Variants in PRKCA observed in about 807,000 individuals in gnomAD.
PRKCA encodes the protein protein kinase C alpha.
PRKCA carries 27 observed loss-of-function variants against 87.0 expected under a neutral mutation model. The ratio of observed to expected loss-of-function variants is 0.31; its 90% confidence interval spans 0.23 to 0.43. The LOEUF (loss-of-function observed/expected upper bound fraction) is 0.43, where lower values mean the gene tolerates loss of function less well. Among genes scored for constraint, PRKCA ranks in the 20% least tolerant of loss-of-function variants. The pLI is 1.00. For synonymous variants in PRKCA, 329 were observed against 311.1 expected (o/e 1.06, Z -0.61); for missense variants, 518 against 852.3 (o/e 0.61, Z 4.88).
At chr17:66,563,107 C>T (rs1026768153) in intron 3 of PRKCA, among the ~76,000 whole-genome samples, 2 of 152,094 alleles carry the variant, frequency 1.3e-5, no homozygotes, top group African/African-American at 4.8e-5. Context: ...ATACCTGCCC[C>T]TCTCCTCAAC....
At position 66,742,712 on chromosome 17, in the gene PRKCA, A is replaced by G; in HGVS notation, c.1476A>G (p.Gly492=). 6.2e-7 allele frequency: 1 copy of G among 1,614,182 alleles called. No homozygotes were observed. The highest frequency in any genetic ancestry group is 8.5e-7 in the Non-Finnish European group (1 of 1,180,020). The change falls in exon 13 of 17, where the codon GGA becomes GGG. Residue 492 remains glycine (G), a synonymous_variant. Transcript: ENST00000413366. ...TGTGCAAGGAACACATGATGGATGG[A>G]GTCACGACCAGGACCTTCTGTGGGA... ...FGMCKEHMMD[G]VTTRTFCGTP...
intron 3 of PRKCA, among the ~76,000 whole-genome samples, chr17:66,635,458 T>C (rs1321116039): frequency 1.3e-5 from 2 of 152,244 alleles, no homozygotes; most frequent in African/African-American, 2.4e-5. Flanking sequence ...TCATTCTGCC[T>C]GTGCCTTGAG....
rs577404205 is a variant in PRKCA at position 66,402,880 on chromosome 17, A to G, written c.206-93321A>G. On this transcript the variant is annotated intron_variant, in intron 2 of 16. Coordinates refer to ENST00000413366, the MANE Select transcript of PRKCA (RefSeq NM_002737.3). ...AAGATGAAAAGTTTAATCATAAGGG[A>G]AAAATAGGGACAGTAAACAGAGTTG... 1.3e-3 allele frequency among the ~76,000 whole-genome samples: 195 copies of G among 152,314 alleles called. 1 individual carries two copies. The highest frequency in any genetic ancestry group is 4.3e-3 in the African/African-American group (177 of 41,582).
intron 3 of PRKCA, among the ~76,000 whole-genome samples, chr17:66,591,665 C>T (rs964337839): frequency 2.0e-5 from 3 of 152,174 alleles, no homozygotes; most frequent in East Asian, 1.9e-4. Context: ...TTGCTTTTTC[C>T]GTGTAAGGTT....
At chr17:66,309,250 A>G (rs979979489) in intron 2 of PRKCA, among the ~76,000 whole-genome samples, 1 of 152,208 alleles carries the variant, frequency 6.6e-6, no homozygotes, top group Non-Finnish European at 1.5e-5. Flanking sequence ...AGGTATTTGA[A>G]GACTAAAGAA....
At chr17:66,579,011 A>G (rs1034376452) in intron 3 of PRKCA, among the ~76,000 whole-genome samples, 5 of 152,212 alleles carry the variant, frequency 3.3e-5, no homozygotes, top group Non-Finnish European at 2.9e-5. Flanking sequence ...GCTTCTGTGC[A>G]GGCTGTGGCC....
chr17:66,379,289 A>G (rs1284478390), intron 2 of PRKCA, among the ~76,000 whole-genome samples: 1 of 152,204 alleles, frequency 6.6e-6, no homozygotes, highest in Non-Finnish European at 1.5e-5. Context: ...GGTAGAGTTC[A>G]TGTTTCTCCA....
At chr17:66,309,119 A>C (rs900586389) in intron 2 of PRKCA, among the ~76,000 whole-genome samples, 1 of 152,174 alleles carries the variant, frequency 6.6e-6, no homozygotes, top group Non-Finnish European at 1.5e-5. Context: ...CAGCAAGCAT[A>C]GTTTTTCTTT....
At chr17:66,313,336 A>G (rs1905164349) in intron 2 of PRKCA, among the ~76,000 whole-genome samples, 1 of 152,242 alleles carries the variant, frequency 6.6e-6, no homozygotes, top group Non-Finnish European at 1.5e-5. Context: ...TCTTAGGATC[A>G]TTAAAGAAAA....
chr17:66,723,345 A>G (rs1199302987), intron 8 of PRKCA, among the ~76,000 whole-genome samples: 1 of 152,168 alleles, frequency 6.6e-6, no homozygotes, highest in African/African-American at 2.4e-5. Context: ...AGACCAGAGT[A>G]ATGTTGGGTG....
chr17:66,781,829 G>A (rs1045280315), intron 14 of PRKCA, among the ~76,000 whole-genome samples: 1 of 150,500 alleles, frequency 6.6e-6, no homozygotes, highest in Non-Finnish European at 1.5e-5. Context: ...ACTTAAAAGC[G>A]GTTAAGATGG....
At chr17:66,413,289 T>C (rs1332751847) in intron 2 of PRKCA, among the ~76,000 whole-genome samples, 1 of 152,142 alleles carries the variant, frequency 6.6e-6, no homozygotes, top group East Asian at 1.9e-4. Context: ...TTTCAAGGGA[T>C]ACAGATGAAC....
rs201970425 is a variant in PRKCA at position 66,503,322 on chromosome 17, C to T, written c.288+7039C>T. ...GTCCCGTTGAACAGAATTCAGGTGA[C>T]TTCGCAGGTTATTGCTCTATCTCAC... On this transcript the variant is annotated intron_variant, in intron 3 of 16. Transcript: ENST00000413366. 2.0e-5 allele frequency among the ~76,000 whole-genome samples: 3 copies of T among 152,306 alleles called. No individual in the cohort carries two copies. The East Asian group carries it at 5.8e-4, about 29-fold the overall frequency.
intron 5 of PRKCA, among the ~76,000 whole-genome samples, chr17:66,659,727 T>C (rs1435342877): frequency 1.3e-5 from 2 of 151,696 alleles, no homozygotes; most frequent in African/African-American, 4.9e-5. Context: ...GGTAGCAGAG[T>C]GAGACTCCGT....
At chr17:66,694,460 G>A (rs1283968052) in intron 8 of PRKCA, among the ~76,000 whole-genome samples, 2 of 117,858 alleles carry the variant, frequency 1.7e-5, no homozygotes, top group African/African-American at 7.0e-5. Context: ...CAGCTTGGGC[G>A]ACAGAGCGAG....
intron 2 of PRKCA, among the ~76,000 whole-genome samples, chr17:66,379,248 C>T (rs1158262315): frequency 6.6e-6 from 1 of 152,156 alleles, no homozygotes; most frequent in Non-Finnish European, 1.5e-5. Flanking sequence ...TCCAAAGAAG[C>T]GGCCCCATTT....
intron 16 of PRKCA, among the ~76,000 whole-genome samples, chr17:66,798,482 G>A (rs1363741349): frequency 4.5e-5 from 4 of 88,164 alleles, no homozygotes; most frequent in Admixed American, 1.2e-4. Context: ...GGTGGTGGTG[G>A]TGGTGACGGT....
chr17:66,446,382 C>T (rs952791721), intron 2 of PRKCA, among the ~76,000 whole-genome samples: 1 of 152,100 alleles, frequency 6.6e-6, no homozygotes, highest in Non-Finnish European at 1.5e-5. Context: ...CCCCATTCAC[C>T]TTCTCCAGGA....
chr17:66,642,419 G>C (rs925092553), intron 4 of PRKCA, among the ~76,000 whole-genome samples: 2 of 152,114 alleles, frequency 1.3e-5, no homozygotes, highest in South Asian at 2.1e-4. Context: ...GTGAGTCACC[G>C]CGCCCAACCT....
Sources: gnomAD v4.1 joint callset for allele counts (sites outside exome capture counted in the v4.1 genomes callset) on GRCh38, gnomAD v4.1.1 for gene constraint, MANE v1.5 for transcripts, NCBI Gene and HGNC (gene_info 2026-07-23, HGNC 2026-07-21) for gene names.